Variants in PPP6R2 observed in about 807,000 individuals in gnomAD.
The protein encoded by PPP6R2 is serine/threonine-protein phosphatase 6 regulatory subunit 2.
In PPP6R2, 62 loss-of-function variants were observed where a neutral mutation model predicts 100.2. That is an observed-to-expected ratio of 0.62 (90% CI 0.50 to 0.76). The LOEUF (loss-of-function observed/expected upper bound fraction) is 0.76. Ranked by LOEUF, PPP6R2 falls within the 30% of genes least tolerant of loss-of-function variation. The pLI is 0.00. For synonymous variants in PPP6R2, 525 were observed against 514.7 expected (o/e 1.02, Z -0.27); for missense variants, 1,142 against 1,276.3 (o/e 0.89, Z 1.60).
intron 4 of PPP6R2, among the ~76,000 whole-genome samples, chr22:50,408,756 A>AT (rs1277618055): frequency 6.6e-6 from 1 of 152,114 alleles, no homozygotes; most frequent in African/African-American, 2.4e-5. Flanking sequence ...TTCATATAAT[A>AT]TTTTTCTTCC....
At position 50,444,858 on chromosome 22, in the gene PPP6R2, C is replaced by T. The variant is rs1220757416; in HGVS notation, c.*611C>T. The T allele has an allele frequency of 6.5e-6, 1 of 154,298 alleles. No homozygotes were observed. The highest frequency in any genetic ancestry group is 6.5e-5 in the Admixed American group (1 of 15,284). 9.6% of individuals were successfully genotyped at this position (154,298 alleles called of 1,614,324 possible). A position where few individuals can be genotyped will look rare whatever the true frequency, so the allele number is the denominator to read the frequency against. On this transcript the variant is annotated 3_prime_UTR_variant, in exon 24 of 24. Coordinates refer to ENST00000612753, the MANE Select transcript of PPP6R2 (RefSeq NM_001242898.2). The stretch of plus-strand genomic sequence containing the variant: ...GCCCTCTAGGCCTGGCAGGGATGTC[C>T]CTGTGCCCAGCACAGGGTGCCTGGC...
rs114178325 is a variant in PPP6R2, at chr22:50,347,528, C to G, written c.-148+3978C>G. ...CTGTCACCTTCCCCCATGCACCGTA[C>G]TGTCCCCCGACCTGCCACTCTGTGT... On this transcript the variant is annotated intron_variant, in intron 1 of 23. Transcript: ENST00000612753. 1.0e-2 allele frequency among the ~76,000 whole-genome samples: 1,520 copies of G among 152,186 alleles called. 21 individuals carry two copies. Among genetic ancestry groups the G allele is most frequent in the African/African-American group, 0.035 (1,438 of 41,508 alleles).
At chr22:50,356,659 G>A (rs2046657217) in intron 1 of PPP6R2, among the ~76,000 whole-genome samples, 1 of 152,232 alleles carries the variant, frequency 6.6e-6, no homozygotes, top group South Asian at 2.1e-4. Flanking sequence ...TCGGCCGGTT[G>A]TGGTGGCTCA....
At chr22:50,399,129 C>T (rs1437833150) in intron 3 of PPP6R2, among the ~76,000 whole-genome samples, 2 of 152,070 alleles carry the variant, frequency 1.3e-5, no homozygotes, top group African/African-American at 4.8e-5. Flanking sequence ...TGCCTGTAGT[C>T]CCAGCTACTT....
At chr22:50,370,739 T>C (rs2050005341) in intron 1 of PPP6R2, among the ~76,000 whole-genome samples, 1 of 152,040 alleles carries the variant, frequency 6.6e-6, no homozygotes, top group African/African-American at 2.4e-5. Context: ...GTTCAAGTGA[T>C]TCTCCTGCCT....
chr22:50,435,111 T>C lies in PPP6R2; in HGVS notation c.1516+30T>C, dbSNP rs376417502. 3.3e-5 allele frequency: 49 copies of C among 1,480,738 alleles called. No homozygotes were observed. The African/African-American group carries it at 6.4e-4, about 19-fold the overall frequency. The allele number at this position is 1,480,738 out of a possible 1,614,324, so 91.7% of individuals were successfully genotyped here. ...GCCCCCAACCCGGTCATCCTTCTGCTGGTCGCGGGCACCGGGACCCCGAAG... is the reference window on the plus strand; with the variant it reads ...GCCCCCAACCCGGTCATCCTTCTGCCGGTCGCGGGCACCGGGACCCCGAAG... On this transcript the variant is annotated intron_variant, in intron 13 of 23. Coordinates refer to ENST00000612753, the MANE Select transcript of PPP6R2 (RefSeq NM_001242898.2).
intron 12 of PPP6R2, 71 bp from the exon 13 acceptor site, chr22:50,434,895 T>C: frequency 7.1e-7 from 1 of 1,399,076 alleles, no homozygotes; most frequent in Non-Finnish European, 9.7e-7. Flanking sequence ...CTCTGCCACT[T>C]GGCTCTCTGG....
At chr22:50,401,893 C>A (rs1024617975) in intron 3 of PPP6R2, among the ~76,000 whole-genome samples, 17 of 152,188 alleles carry the variant, frequency 1.1e-4, no homozygotes, top group African/African-American at 3.6e-4. Context: ...CTTGTTCTCC[C>A]AGAGTGCTGG....
At chr22:50,441,469 C>T (rs1367307060) in intron 22 of PPP6R2, among the ~76,000 whole-genome samples, 5 of 152,162 alleles carry the variant, frequency 3.3e-5, no homozygotes, top group Admixed American at 1.3e-4. Context: ...GTCTGGCAGG[C>T]GAGCGGGCAT....
intron 6 of PPP6R2, 144 bp from the exon 7 acceptor site, chr22:50,418,723 G>T: frequency 6.3e-6 from 4 of 632,906 alleles, no homozygotes; most frequent in Non-Finnish European, 1.1e-5. Flanking sequence ...AAAAGTATTT[G>T]AACATCACAG....
chr22:50,352,007 G>A (rs997824197), intron 1 of PPP6R2, among the ~76,000 whole-genome samples: 1 of 152,286 alleles, frequency 6.6e-6, no homozygotes, highest in African/African-American at 2.4e-5. Flanking sequence ...GTGTTAGCCA[G>A]GATGGTCTCC....
intron 2 of PPP6R2, among the ~76,000 whole-genome samples, chr22:50,381,907 CAA>C (rs369812450): frequency 6.3e-5 from 6 of 95,670 alleles, no homozygotes; most frequent in Non-Finnish European, 8.6e-5. Context: ...GACTCCGTCT[CAA>C]AAAAAAAAAA....
intron 2 of PPP6R2, among the ~76,000 whole-genome samples, chr22:50,383,847 G>A (rs1294153694): frequency 6.6e-6 from 1 of 151,916 alleles, no homozygotes; most frequent in Non-Finnish European, 1.5e-5. Flanking sequence ...GACTAGCCTG[G>A]CCAACATGGT....
Position 50,444,093 on chromosome 22 carries a change from C to T in PPP6R2, c.2807C>T (p.Thr936Ile). The change falls in exon 23 of 24, where the codon ACC (threonine) becomes ATC (isoleucine). Residue 936 changes from threonine (T) to isoleucine (I), a missense_variant. Around this residue, in one of 2 missense-constraint regions of PPP6R2, gnomAD observed 550 missense variants for 517.4 expected, o/e 1.06. Coordinates refer to ENST00000612753, the MANE Select transcript of PPP6R2 (RefSeq NM_001242898.2). ...AVTAAPAMVA[T>I]LGTVTKDGKT... ...ACAGCAGCCCCAGCCATGGTGGCCACCCTGGGGACAGTGACAAAGGACGGG... is the reference window on the plus strand; with the variant it reads ...ACAGCAGCCCCAGCCATGGTGGCCATCCTGGGGACAGTGACAAAGGACGGG... 1 of 1,612,682 alleles carries T rather than the reference C, an allele frequency of 6.2e-7. No individual in the cohort carries two copies. Among genetic ancestry groups the T allele is most frequent in the Non-Finnish European group, 8.5e-7 (1 of 1,179,232 alleles).
At chr22:50,380,957 C>T (rs2052765922) in intron 2 of PPP6R2, among the ~76,000 whole-genome samples, 1 of 147,932 alleles carries the variant, frequency 6.8e-6, no homozygotes, top group African/African-American at 2.5e-5. Flanking sequence ...CCACTGCACT[C>T]CAGCCTGGGC....
chr22:50,400,822 T>C (rs573623431), intron 3 of PPP6R2, among the ~76,000 whole-genome samples: 1 of 152,370 alleles, frequency 6.6e-6, no homozygotes, highest in African/African-American at 2.4e-5. Context: ...CTGGGCTCCC[T>C]GAACCCTTTT....
intron 3 of PPP6R2, among the ~76,000 whole-genome samples, chr22:50,400,072 T>A (rs1232496963): frequency 6.6e-6 from 1 of 152,256 alleles, no homozygotes; most frequent in Non-Finnish European, 1.5e-5. Context: ...CATTCCTGAT[T>A]GCAGAATTAG....
In PPP6R2 at chr22:50,416,061, C is replaced by T. The variant is rs192001384; in HGVS notation, c.553-31C>T. On this transcript the variant is annotated intron_variant, in intron 5 of 23. Coordinates refer to ENST00000612753, the MANE Select transcript of PPP6R2 (RefSeq NM_001242898.2). ...CTGTTGTTTACTTAGACTTGAGCAG[C>T]GACACTGAAAGGCCTCTTTTTCTCT... 5.2e-5 allele frequency: 82 copies of T among 1,586,618 alleles called. 1 individual carries two copies. The highest frequency in any genetic ancestry group is 6.8e-5 in the Non-Finnish European group (78 of 1,155,174).
At chr22:50,440,579 C>G (rs1010019564) in intron 21 of PPP6R2, among the ~76,000 whole-genome samples, 50 of 152,226 alleles carry the variant, frequency 3.3e-4, no homozygotes, top group African/African-American at 1.1e-3. Context: ...CCTCTGCGTC[C>G]TCCTGTGAGA....
Sources: gnomAD v4.1 joint callset for allele counts (sites outside exome capture counted in the v4.1 genomes callset) on GRCh38, gnomAD v4.1.1 for gene constraint, gnomAD v4.1.1 regional missense constraint, MANE v1.5 for transcripts, NCBI Gene and HGNC (gene_info 2026-07-23, HGNC 2026-07-21) for gene names.